Variants in PPP1R9A observed in about 807,000 individuals in gnomAD.
The protein encoded by PPP1R9A is protein phosphatase 1 regulatory subunit 9A.
A neutral mutation model predicts 141.9 loss-of-function variants in PPP1R9A; 59 were observed. The observed-to-expected ratio is 0.42, with a 90% CI of 0.34 to 0.52. The LOEUF (loss-of-function observed/expected upper bound fraction) is 0.52, where lower values mean the gene tolerates loss of function less well. Ranked by LOEUF, PPP1R9A falls within the 20% of genes least tolerant of loss-of-function variation. The pLI is 0.10. For missense variants in PPP1R9A, 1,444 were observed against 1,611.9 expected (o/e 0.90, Z 1.78); for synonymous variants, 500 against 569.7 (o/e 0.88, Z 1.74).
intron 2 of PPP1R9A, among the ~76,000 whole-genome samples, chr7:95,051,286 G>C (rs1810764497): frequency 6.6e-6 from 1 of 151,950 alleles, no homozygotes; most frequent in Non-Finnish European, 1.5e-5. Flanking sequence ...TCAAAGATCA[G>C]TCAAGCATAT....
rs1798883553 is a variant in PPP1R9A at position 94,971,764 on chromosome 7, A to AG, written c.1395+60257dup. On this transcript the variant is annotated intron_variant, in intron 2 of 19. Transcript: ENST00000433360. Reference sequence around the variant, plus strand: ...TTTCAACTCATAGACATAGTAATCTAGTTGAAGTATTTTAACAATCTCTTC... The same window carrying AG: ...TTTCAACTCATAGACATAGTAATCTAGGTTGAAGTATTTTAACAATCTCTTC... Among the ~76,000 whole-genome samples, 4 of 152,372 alleles carry AG rather than the reference A, an allele frequency of 2.6e-5. No homozygotes were observed. In the East Asian group the frequency reaches 7.7e-4, roughly 29 times the overall value.
intron 2 of PPP1R9A, among the ~76,000 whole-genome samples, chr7:94,977,184 G>T (rs535321015): frequency 6.6e-6 from 1 of 152,098 alleles, no homozygotes. Context: ...TCAAATTGAG[G>T]TGTTCGAAAG....
intron 2 of PPP1R9A, among the ~76,000 whole-genome samples, chr7:94,936,314 T>G (rs1332524055): frequency 6.6e-6 from 1 of 152,306 alleles, no homozygotes; most frequent in East Asian, 1.9e-4. Context: ...CAGTCTTCTT[T>G]AATTCTGTAT....
chr7:95,111,122 C>A, intron 2 of PPP1R9A, 137 bp from the exon 3 acceptor site: 1 of 961,388 alleles, frequency 1.0e-6, no homozygotes, highest in Non-Finnish European at 1.5e-6. Flanking sequence ...CTTTTCTTAA[C>A]ATCTCAATTG....
chr7:95,208,964 A>AAC (rs1260879098), intron 7 of PPP1R9A, among the ~76,000 whole-genome samples: 2 of 148,884 alleles, frequency 1.3e-5, no homozygotes, highest in Non-Finnish European at 1.5e-5. Context: ...ACTAAAAAAA[A>AAC]AAAAAAAAAA....
chr7:95,249,502 T>C (rs1023415602), intron 9 of PPP1R9A, among the ~76,000 whole-genome samples: 1 of 152,130 alleles, frequency 6.6e-6, no homozygotes, highest in Non-Finnish European at 1.5e-5. Flanking sequence ...TTCAATTACA[T>C]GTCCAAGGTT....
intron 12 of PPP1R9A, among the ~76,000 whole-genome samples, chr7:95,266,329 C>CTT (rs140879429): frequency 3.9e-4 from 59 of 151,122 alleles, no homozygotes; most frequent in South Asian, 8.4e-4. Context: ...ACATGTCATC[C>CTT]TTTTTTTTTA....
chr7:95,072,629 A>G, intron 2 of PPP1R9A, among the ~76,000 whole-genome samples: 3 of 127,234 alleles, frequency 2.4e-5, no homozygotes, highest in Non-Finnish European at 4.7e-5. Flanking sequence ...AAAATTTTGA[A>G]ATTTTATAAT....
chr7:94,917,464 T>G (rs1792226476), intron 2 of PPP1R9A, among the ~76,000 whole-genome samples: 1 of 152,156 alleles, frequency 6.6e-6, no homozygotes, highest in Admixed American at 6.5e-5. Flanking sequence ...TGTAGTGCAG[T>G]GATGCAGTCA....
chr7:95,272,107 A>G (rs1344827334), intron 14 of PPP1R9A, among the ~76,000 whole-genome samples: 2 of 152,188 alleles, frequency 1.3e-5, no homozygotes, highest in Non-Finnish European at 2.9e-5. Context: ...TAGTCGCATG[A>G]TGTCCAAATA....
intron 5 of PPP1R9A, among the ~76,000 whole-genome samples, chr7:95,192,286 C>T (rs763375648): frequency 5.9e-5 from 9 of 151,688 alleles, no homozygotes; most frequent in South Asian, 2.1e-4. Flanking sequence ...TAACAGTGTG[C>T]GTTGTAATCA....
chr7:95,014,312 G>C (rs1045174535), intron 2 of PPP1R9A, among the ~76,000 whole-genome samples: 1 of 151,684 alleles, frequency 6.6e-6, no homozygotes, highest in South Asian at 2.1e-4. Context: ...TTTTTTCTTC[G>C]TCTTTTATGA....
At chr7:95,127,957 C>G (rs6966321) in intron 4 of PPP1R9A, among the ~76,000 whole-genome samples, 26 of 152,268 alleles carry the variant, frequency 1.7e-4, no homozygotes, top group African/African-American at 6.3e-4. Context: ...TCTTTGCTGT[C>G]ATTAATAGAT....
intron 2 of PPP1R9A, among the ~76,000 whole-genome samples, chr7:95,071,386 C>T (rs1356794152): frequency 1.3e-5 from 2 of 151,796 alleles, no homozygotes; most frequent in East Asian, 1.9e-4. Context: ...TAATCTATTT[C>T]GGGAGTTCCT....
intron 2 of PPP1R9A, among the ~76,000 whole-genome samples, chr7:94,916,013 A>T (rs933741043): frequency 6.6e-6 from 1 of 152,056 alleles, no homozygotes; most frequent in Admixed American, 6.6e-5. Context: ...TCTATAAGTA[A>T]ATCTCATTCA....
chr7:95,066,955 C>CA (rs1393449061), intron 2 of PPP1R9A, among the ~76,000 whole-genome samples: 1 of 152,172 alleles, frequency 6.6e-6, no homozygotes, highest in African/African-American at 2.4e-5. Context: ...TCAGGGGAAA[C>CA]AACAGGCCAC....
chr7:94,937,617 G>A (rs564030643), intron 2 of PPP1R9A, among the ~76,000 whole-genome samples: 10 of 152,206 alleles, frequency 6.6e-5, no homozygotes, highest in South Asian at 6.2e-4. Flanking sequence ...TTACACAGGC[G>A]TAGTTTCTTA....
At chr7:95,199,241 AAC>A (rs1788993361) in intron 6 of PPP1R9A, among the ~76,000 whole-genome samples, 1 of 152,196 alleles carries the variant, frequency 6.6e-6, no homozygotes, top group Non-Finnish European at 1.5e-5. Context: ...CTTTATTATA[AAC>A]ACGTTTAAAC....
chr7:95,183,210 T>G (rs1834115383), intron 5 of PPP1R9A, among the ~76,000 whole-genome samples: 7 of 152,064 alleles, frequency 4.6e-5, no homozygotes, highest in Admixed American at 4.6e-4. Flanking sequence ...CAATCTCGGC[T>G]TACTGCAGCC....
Sources: gnomAD v4.1 joint callset for allele counts (sites outside exome capture counted in the v4.1 genomes callset) on GRCh38, gnomAD v4.1.1 for gene constraint, MANE v1.5 for transcripts, NCBI Gene and HGNC (gene_info 2026-07-23, HGNC 2026-07-21) for gene names.